Variants in HIBADH observed in about 807,000 individuals in gnomAD.
HIBADH encodes the protein 3-hydroxyisobutyrate dehydrogenase.
Under a neutral mutation model 36.1 loss-of-function variants are expected in HIBADH, and 25 were observed. The ratio of observed to expected loss-of-function variants is 0.69; its 90% CI spans 0.50 to 0.97. HIBADH has a LOEUF of 0.97. Ranked by LOEUF, HIBADH falls within the 50% of genes least tolerant of loss-of-function variation. The pLI is 0.00. For missense variants in HIBADH, 421 were observed against 418.0 expected, an observed-to-expected ratio of 1.01 and a Z score of -0.06; for synonymous variants, 160 against 149.5, an observed-to-expected ratio of 1.07 and a Z score of -0.51.
intron 7 of HIBADH, among the ~76,000 whole-genome samples, chr7:27,530,180 G>A (rs1783970687): frequency 6.7e-6 from 1 of 149,576 alleles, no homozygotes; most frequent in Non-Finnish European, 1.5e-5. Context: ...ATGCTTGTGT[G>A]GTATCTAGGT....
At chr7:27,549,609 T>C (rs1379332491) in intron 4 of HIBADH, among the ~76,000 whole-genome samples, 2 of 152,198 alleles carry the variant, frequency 1.3e-5, no homozygotes, top group Non-Finnish European at 2.9e-5. Context: ...GAACAGTAAA[T>C]GAAGTAATGA....
intron 4 of HIBADH, among the ~76,000 whole-genome samples, chr7:27,561,504 G>A (rs1363737364): frequency 6.6e-6 from 1 of 152,154 alleles, no homozygotes; most frequent in Non-Finnish European, 1.5e-5. Flanking sequence ...ATAAGATACA[G>A]ATTCATTGAT....
chr7:27,603,906 A>G (rs1001171679), intron 4 of HIBADH, among the ~76,000 whole-genome samples: 1 of 152,164 alleles, frequency 6.6e-6, no homozygotes, highest in Non-Finnish European at 1.5e-5. Context: ...TTTGACTGCT[A>G]ACATTTACTT....
Position 27,538,412 on chromosome 7 carries a change from T to G in HIBADH, c.624A>C (p.Ala208=), listed in dbSNP as rs201711581. ...CTAACAGCATGTTGTTGCAGATCTTTGCCGCCTGAAAATAAATTGAGTACA... is the reference window on the plus strand; with the variant it reads ...CTAACAGCATGTTGTTGCAGATCTTGGCCGCCTGAAAATAAATTGAGTACA... ...YCGAVGTGQA[A]KICNNMLLAI... The change falls in exon 6 of 8, where the codon GCA becomes GCC. Residue 208 remains alanine (A), a synonymous_variant. Transcript: ENST00000265395. The G allele has an allele frequency of 6.3e-5, 101 of 1,612,478 alleles. No individual in the cohort carries two copies. Among genetic ancestry groups the G allele is most frequent in the Non-Finnish European group, 8.0e-5 (94 of 1,179,046 alleles).
At chr7:27,553,296 G>A (rs932828929) in intron 4 of HIBADH, among the ~76,000 whole-genome samples, 1 of 152,190 alleles carries the variant, frequency 6.6e-6, no homozygotes, top group African/African-American at 2.4e-5. Context: ...AAGATCTGCA[G>A]GGAGAAGAGA....
intron 4 of HIBADH, among the ~76,000 whole-genome samples, chr7:27,604,345 A>G (rs1191340453): frequency 6.6e-6 from 1 of 152,082 alleles, no homozygotes; most frequent in East Asian, 1.9e-4. Flanking sequence ...CATAAAATTG[A>G]TATGCTGAGC....
chr7:27,613,754 G>T (rs548057755), intron 4 of HIBADH, among the ~76,000 whole-genome samples: 1 of 150,998 alleles, frequency 6.6e-6, no homozygotes, highest in Admixed American at 6.6e-5. Flanking sequence ...CACCTTCCAG[G>T]TTCAAGTGAA....
At chr7:27,624,381 GT>G (rs1785602676) in intron 4 of HIBADH, among the ~76,000 whole-genome samples, 1 of 152,140 alleles carries the variant, frequency 6.6e-6, no homozygotes, top group Non-Finnish European at 1.5e-5. Flanking sequence ...TTCAGAAAGA[GT>G]TTATAACACT....
chr7:27,581,412 T>C (rs1784787001), intron 4 of HIBADH, among the ~76,000 whole-genome samples: 1 of 152,148 alleles, frequency 6.6e-6, no homozygotes, highest in African/African-American at 2.4e-5. Context: ...AAGCAGGTGT[T>C]TAATTATTCT....
At position 27,531,120 on chromosome 7, in the gene HIBADH, G is replaced by C. The variant is rs1386728099; in HGVS notation, c.852+72C>G. ...ACCTGAGACATATGCTTTATTAAGA[G>C]AAAGAGAAGGAAGGTGTTATTGGAC... On this transcript the variant is annotated intron_variant, in intron 7 of 7. Transcript: ENST00000265395. 8.5e-6 allele frequency: 12 copies of C among 1,406,062 alleles called. No homozygotes were observed. The South Asian group carries it at 9.3e-5, about 11-fold the overall frequency. The allele number at this position is 1,406,062 out of a possible 1,614,324, so 87.1% of individuals were successfully genotyped here.
At chr7:27,613,664 T>C (rs1033538463) in intron 4 of HIBADH, among the ~76,000 whole-genome samples, 1 of 66,346 alleles carries the variant, frequency 1.5e-5, no homozygotes, top group South Asian at 4.4e-4. Context: ...GGGTTTTTTT[T>C]GTTTTTTTTT....
chr7:27,557,942 T>C (rs968111095), intron 4 of HIBADH, among the ~76,000 whole-genome samples: 21 of 152,380 alleles, frequency 1.4e-4, no homozygotes, highest in African/African-American at 5.0e-4. Context: ...AATGGCTGTC[T>C]GAATATCTCT....
At chr7:27,559,313 C>T (rs1048809288) in intron 4 of HIBADH, among the ~76,000 whole-genome samples, 8 of 152,090 alleles carry the variant, frequency 5.3e-5, no homozygotes, top group Non-Finnish European at 1.0e-4. Context: ...CAAATCAACC[C>T]AAAACCACAG....
chr7:27,538,915 AAG>A (rs2128183878), intron 5 of HIBADH, among the ~76,000 whole-genome samples: 1 of 152,252 alleles, frequency 6.6e-6, no homozygotes, highest in South Asian at 2.1e-4. Flanking sequence ...AAGAAAGAGA[AAG>A]AAGGAGATCC....
intron 4 of HIBADH, among the ~76,000 whole-genome samples, chr7:27,561,273 C>A (rs1159067597): frequency 6.6e-6 from 1 of 152,142 alleles, no homozygotes; most frequent in Non-Finnish European, 1.5e-5. Flanking sequence ...AACTTGCATT[C>A]TCAGTTTCTT....
At chr7:27,655,749 A>AG (rs1786288168) in intron 1 of HIBADH, among the ~76,000 whole-genome samples, 1 of 151,804 alleles carries the variant, frequency 6.6e-6, no homozygotes, top group African/African-American at 2.4e-5. Flanking sequence ...TATGTAAATT[A>AG]CCCCCCAGAA....
At chr7:27,630,322 A>G (rs970073877) in intron 3 of HIBADH, among the ~76,000 whole-genome samples, 2 of 152,070 alleles carry the variant, frequency 1.3e-5, no homozygotes, top group Non-Finnish European at 2.9e-5. Context: ...TTTTATATTT[A>G]CAGAGATGGG....
chr7:27,576,055 C>T (rs953243467), intron 4 of HIBADH, among the ~76,000 whole-genome samples: 1 of 151,696 alleles, frequency 6.6e-6, no homozygotes, highest in South Asian at 2.1e-4. Context: ...CAATCACTGA[C>T]AAAATAAAGT....
chr7:27,592,523 C>T (rs1194770112), intron 4 of HIBADH, among the ~76,000 whole-genome samples: 1 of 152,138 alleles, frequency 6.6e-6, no homozygotes, highest in African/African-American at 2.4e-5. Flanking sequence ...GCCACACCTT[C>T]GCCTGGCCCC....
Sources: gnomAD v4.1 joint callset for allele counts (sites outside exome capture counted in the v4.1 genomes callset) on GRCh38, gnomAD v4.1.1 for gene constraint, MANE v1.5 for transcripts, NCBI Gene and HGNC (gene_info 2026-07-23, HGNC 2026-07-21) for gene names.